Variants in PIK3C2G observed in about 807,000 individuals in gnomAD.
PIK3C2G encodes phosphatidylinositol 3-kinase C2 domain-containing subunit gamma.
PIK3C2G carries 168 observed loss-of-function variants against 181.1 expected under a neutral mutation model. That is an observed-to-expected ratio of 0.93 (90% CI 0.82 to 1.05). The LOEUF (loss-of-function observed/expected upper bound fraction) is 1.05, where lower values mean the gene tolerates loss of function less well. PIK3C2G is among the 50% of genes least tolerant of loss of function. The pLI, the probability that PIK3C2G is intolerant of heterozygous loss-of-function variation, is 0.00. For missense variants in PIK3C2G, 1,869 were observed against 1,732.8 expected (o/e 1.08, Z -1.40); for synonymous variants, 573 against 592.2 (o/e 0.97, Z 0.47).
At chr12:18,345,395 A>T (rs1475929406) in intron 10 of PIK3C2G, among the ~76,000 whole-genome samples, 2 of 152,206 alleles carry the variant, frequency 1.3e-5, no homozygotes, top group African/African-American at 2.4e-5. Context: ...CAATTTAAGA[A>T]ATATAACAAA....
At chr12:18,511,688 T>G (rs190051098) in intron 24 of PIK3C2G, among the ~76,000 whole-genome samples, 1 of 152,084 alleles carries the variant, frequency 6.6e-6, no homozygotes, top group Admixed American at 6.5e-5. Flanking sequence ...TATTAAGTTA[T>G]TTGAGTTTCT....
the PIK3C2G span, chr12:18,694,970 ACT>A: frequency 6.2e-7 from 1 of 1,607,678 alleles, no homozygotes; most frequent in Non-Finnish European, 8.5e-7. Flanking sequence ...AGTATGATTT[ACT>A]CTCTCTTAAG....
the PIK3C2G span, among the ~76,000 whole-genome samples, chr12:18,702,818 CTTTTT>C: frequency 1.7e-5 from 2 of 116,600 alleles, no homozygotes; most frequent in African/African-American, 3.4e-5. Flanking sequence ...GATAAAGTAA[CTTTTT>C]TTTTTTTTTT....
intron 8 of PIK3C2G, among the ~76,000 whole-genome samples, chr12:18,332,912 C>T (rs983504310): frequency 6.6e-6 from 1 of 152,098 alleles, no homozygotes; most frequent in Non-Finnish European, 1.5e-5. Context: ...GTATTTTCCC[C>T]GAAAAGCTGG....
At chr12:18,362,960 A>G (rs1276663776) in intron 12 of PIK3C2G, 74 bp downstream of exon 12, 5 of 1,204,544 alleles carry the variant, frequency 4.2e-6, no homozygotes, top group Non-Finnish European at 4.4e-6. Context: ...TTTTAAAAGC[A>G]AGGGATGTAA....
At chr12:18,566,799 A>G (rs747451089) in intron 28 of PIK3C2G, 150 bp from the exon 29 acceptor site, 35 of 618,806 alleles carry the variant, frequency 5.7e-5, no homozygotes, top group Admixed American at 9.6e-5. Context: ...ATATTAATAA[A>G]ATTCTGAGGA....
the PIK3C2G span, chr12:18,701,587 C>T: frequency 6.2e-7 from 1 of 1,612,236 alleles, no homozygotes; most frequent in African/African-American, 1.3e-5. Context: ...GATTCCAATA[C>T]TTCTGATTCT....
chr12:18,706,329 A>G, the PIK3C2G span, among the ~76,000 whole-genome samples: 3 of 152,110 alleles, frequency 2.0e-5, no homozygotes, highest in African/African-American at 7.2e-5. Flanking sequence ...AGTTACCAAA[A>G]AGTAGCATGC....
At chr12:18,319,000 G>T (rs1950990230) in intron 6 of PIK3C2G, among the ~76,000 whole-genome samples, 1 of 151,772 alleles carries the variant, frequency 6.6e-6, no homozygotes, top group Non-Finnish European at 1.5e-5. Flanking sequence ...CACAAGAATC[G>T]CTTGAACCCG....
chr12:18,478,924 A>G (rs1939272798), intron 18 of PIK3C2G, among the ~76,000 whole-genome samples: 1 of 151,084 alleles, frequency 6.6e-6, no homozygotes, highest in Non-Finnish European at 1.5e-5. Flanking sequence ...ACAGTTAGCC[A>G]TGATCACACC....
chr12:18,257,618 G>T (rs1196945504), upstream of PIK3C2G, among the ~76,000 whole-genome samples: 1 of 150,828 alleles, frequency 6.6e-6, no homozygotes, highest in Non-Finnish European at 1.5e-5. Flanking sequence ...TTCCTTGCCA[G>T]TACACGAGAG....
In PIK3C2G at chr12:18,574,364, C is replaced by T. The variant is rs533915148; in HGVS notation, c.4011+7307C>T. Reference sequence around the variant, plus strand: ...TGAGAACCCATTTCTAATATTAACGCGACTAGTCAATAAGCCACCATTTTT... The same window carrying T: ...TGAGAACCCATTTCTAATATTAACGTGACTAGTCAATAAGCCACCATTTTT... On this transcript the variant is annotated intron_variant, in intron 29 of 32. Coordinates refer to ENST00000538779, the MANE Select transcript of PIK3C2G (RefSeq NM_001288772.2). Among the ~76,000 whole-genome samples the T allele has an allele frequency of 2.6e-4, 39 of 152,234 alleles. 1 individual carries two copies. The highest frequency in any genetic ancestry group is 2.1e-3 in the South Asian group (10 of 4,820).
At chr12:18,362,573 C>G (rs1444816152) in intron 11 of PIK3C2G, among the ~76,000 whole-genome samples, 191 bp from the exon 12 acceptor site, 1 of 152,196 alleles carries the variant, frequency 6.6e-6, no homozygotes, top group Non-Finnish European at 1.5e-5. Context: ...AAAGGAAGGT[C>G]TTAGGGCCTC....
At chr12:18,696,169 C>T in the PIK3C2G span, 1 of 1,561,278 alleles carries the variant, frequency 6.4e-7, no homozygotes, top group Non-Finnish European at 8.8e-7. Context: ...AACCTATATT[C>T]CAAAATTCTT....
intron 31 of PIK3C2G, among the ~76,000 whole-genome samples, chr12:18,622,297 G>A (rs2136672543): frequency 1.3e-5 from 2 of 151,944 alleles, no homozygotes; most frequent in South Asian, 4.1e-4. Context: ...ATATAAGTGA[G>A]AACATGCAGT....
chr12:18,308,517 T>G lies in PIK3C2G; in HGVS notation c.1035-5445T>G, dbSNP rs1402077678. Among the ~76,000 whole-genome samples the G allele has an allele frequency of 2.0e-5, 3 of 147,702 alleles. No individual in the cohort carries two copies. In the East Asian group the frequency reaches 6.0e-4, roughly 30 times the overall value. ...AAAATATAGTAAAAAAAAAAGAAAA[T>G]AAATTAGTAGAGGCTCCTTTATCTA... On this transcript the variant is annotated intron_variant, in intron 5 of 32. Transcript: ENST00000538779.
At chr12:18,393,971 C>A (rs542091250) in intron 15 of PIK3C2G, among the ~76,000 whole-genome samples, 1 of 152,200 alleles carries the variant, frequency 6.6e-6, no homozygotes, top group South Asian at 2.1e-4. Flanking sequence ...GTATTGGAGT[C>A]TTCTTAAATA....
intron 1 of PIK3C2G, among the ~76,000 whole-genome samples, chr12:18,267,388 T>C (rs949056788): frequency 6.6e-6 from 1 of 152,204 alleles, no homozygotes; most frequent in Admixed American, 6.5e-5. Flanking sequence ...ATATAACTAC[T>C]GTTTTTATAA....
intron 1 of PIK3C2G, among the ~76,000 whole-genome samples, chr12:18,267,382 AACT>A (rs201904690): frequency 0.02 from 3,011 of 152,244 alleles, 95 homozygotes; most frequent in African/African-American, 0.069. Flanking sequence ...GATCACATAT[AACT>A]ACTGTTTTTA....
Sources: gnomAD v4.1 joint callset for allele counts (sites outside exome capture counted in the v4.1 genomes callset) on GRCh38, gnomAD v4.1.1 for gene constraint, MANE v1.5 for transcripts, NCBI Gene and HGNC (gene_info 2026-07-23, HGNC 2026-07-21) for gene names.